The following BRINP3 variants were observed in gnomAD, a reference collection of about 807,000 sequenced individuals.
BRINP3 encodes BMP/retinoic acid inducible neural specific 3, also known as BMP/retinoic acid-inducible neural-specific protein 3.
BRINP3 carries 19 observed loss-of-function variants against 71.0 expected under a neutral mutation model. The ratio of observed to expected loss-of-function variants is 0.27; its 90% CI spans 0.19 to 0.39. BRINP3 has a LOEUF of 0.39. BRINP3 is among the 10% of genes least tolerant of loss of function. The pLI is 1.00. For synonymous variants in BRINP3, 380 were observed against 337.7 expected, an observed-to-expected ratio of 1.13 and a Z score of -1.37; for missense variants, 959 against 940.8, an observed-to-expected ratio of 1.02 and a Z score of -0.25.
At chr1:190,194,440 A>C (rs1027213403) in intron 6 of BRINP3, among the ~76,000 whole-genome samples, 2 of 152,088 alleles carry the variant, frequency 1.3e-5, no homozygotes, top group Non-Finnish European at 2.9e-5. Flanking sequence ...ATTTGAGTGC[A>C]TCATCTTAAT....
intron 6 of BRINP3, among the ~76,000 whole-genome samples, chr1:190,190,288 C>T (rs1210950003): frequency 6.6e-6 from 1 of 152,124 alleles, no homozygotes; most frequent in Non-Finnish European, 1.5e-5. Flanking sequence ...CATTTCCCTT[C>T]TCTTTTCCCC....
At chr1:190,122,664 G>A (rs1481046668) in intron 7 of BRINP3, among the ~76,000 whole-genome samples, 1 of 151,992 alleles carries the variant, frequency 6.6e-6, no homozygotes, top group Non-Finnish European at 1.5e-5. Context: ...CACCAACATG[G>A]CACATGTATA....
intron 2 of BRINP3, among the ~76,000 whole-genome samples, chr1:190,453,196 C>A (rs915223773): frequency 4.7e-5 from 3 of 64,434 alleles, no homozygotes; most frequent in Admixed American, 1.6e-4. Flanking sequence ...GAAAGAAAAA[C>A]TTTAGTATTT....
At chr1:190,299,654 A>G (rs928598635) in intron 2 of BRINP3, among the ~76,000 whole-genome samples, 5 of 137,504 alleles carry the variant, frequency 3.6e-5, no homozygotes, top group African/African-American at 1.1e-4. Context: ...TCATTGTTCA[A>G]TTCCCACCTA....
intron 3 of BRINP3, among the ~76,000 whole-genome samples, chr1:190,277,093 A>ATATATATATATATATATATG (rs1662630531): frequency 1.9e-5 from 2 of 104,740 alleles, no homozygotes; most frequent in Admixed American, 2.2e-4. Flanking sequence ...GGTTTTATAT[A>ATATATATATATATATATATG]TATATATATA....
chr1:190,455,405 T>A (rs1054357156), intron 1 of BRINP3, among the ~76,000 whole-genome samples: 2 of 152,164 alleles, frequency 1.3e-5, no homozygotes, highest in Non-Finnish European at 2.9e-5. Flanking sequence ...ATAATCTACA[T>A]AAACACGGAG....
intron 2 of BRINP3, among the ~76,000 whole-genome samples, chr1:190,408,234 C>T (rs1299794917): frequency 4.0e-5 from 6 of 150,110 alleles, no homozygotes; most frequent in Admixed American, 2.7e-4. Flanking sequence ...TTAGTAGAGA[C>T]GGGGTTTCAC....
intron 2 of BRINP3, among the ~76,000 whole-genome samples, chr1:190,285,649 G>T (rs1663364558): frequency 6.6e-6 from 1 of 151,644 alleles, no homozygotes; most frequent in African/African-American, 2.4e-5. Flanking sequence ...AAAGTTTTTT[G>T]ACTCTGGGAA....
rs1283554235 is a variant in BRINP3, at chr1:190,296,189, TAA to T, written c.237-14441_237-14440del. On this transcript the variant is annotated intron_variant, in intron 2 of 7. Transcript: ENST00000367462. Reference sequence around the variant, plus strand: ...AAGTTTTACAGTTTCATGTTATATTTAAGTCTTTAATATTCCTAGGATGTACC... The same window carrying T: ...AAGTTTTACAGTTTCATGTTATATTTGTCTTTAATATTCCTAGGATGTACC... Among the ~76,000 whole-genome samples, 18 of 151,736 alleles carry T rather than the reference TAA, an allele frequency of 1.2e-4. No homozygotes were observed. In the South Asian group the frequency reaches 2.9e-3, roughly 25 times the overall value.
intron 3 of BRINP3, among the ~76,000 whole-genome samples, chr1:190,279,528 T>C (rs1193320103): frequency 1.3e-5 from 2 of 152,044 alleles, no homozygotes; most frequent in East Asian, 3.9e-4. Flanking sequence ...AGGATATGGC[T>C]GATCTCTTTC....
At chr1:190,362,504 A>T (rs1005405133) in intron 2 of BRINP3, among the ~76,000 whole-genome samples, 3 of 152,194 alleles carry the variant, frequency 2.0e-5, no homozygotes, top group Admixed American at 1.3e-4. Flanking sequence ...CACTATTCAC[A>T]GCAAACCCAA....
intron 3 of BRINP3, among the ~76,000 whole-genome samples, chr1:190,273,270 C>T (rs749106560): frequency 4.0e-5 from 6 of 151,400 alleles, no homozygotes; most frequent in East Asian, 1.9e-4. Context: ...TAAATGATTG[C>T]GTTCAAAAGT....
chr1:190,144,370 T>C (rs970142347), intron 7 of BRINP3, among the ~76,000 whole-genome samples: 6 of 152,054 alleles, frequency 3.9e-5, no homozygotes, highest in African/African-American at 1.4e-4. Context: ...GGCAGGGGAA[T>C]TCATGATAGC....
intron 2 of BRINP3, among the ~76,000 whole-genome samples, chr1:190,327,634 G>T (rs1666702036): frequency 1.3e-5 from 2 of 151,968 alleles, no homozygotes; most frequent in African/African-American, 4.8e-5. Context: ...TCTAATATTG[G>T]AGCACAGAAA....
chr1:190,220,052 A>G (rs1371639734), intron 6 of BRINP3, among the ~76,000 whole-genome samples: 1 of 151,940 alleles, frequency 6.6e-6, no homozygotes, highest in Non-Finnish European at 1.5e-5. Context: ...TCAAATAAAT[A>G]ATGAAAAACT....
chr1:190,206,495 T>C (rs766024097), intron 6 of BRINP3, among the ~76,000 whole-genome samples: 3 of 151,950 alleles, frequency 2.0e-5, no homozygotes, highest in Admixed American at 6.6e-5. Context: ...AAAACGTGTA[T>C]GTGTATGATA....
chr1:190,306,643 G>A (rs1282836240), intron 2 of BRINP3, among the ~76,000 whole-genome samples: 1 of 151,722 alleles, frequency 6.6e-6, no homozygotes, highest in African/African-American at 2.4e-5. Flanking sequence ...AACATTCTCT[G>A]TAGTCTAGCT....
At chr1:190,224,765 A>G (rs1009852880) in intron 6 of BRINP3, among the ~76,000 whole-genome samples, 1 of 152,024 alleles carries the variant, frequency 6.6e-6, no homozygotes, top group African/African-American at 2.4e-5. Context: ...ATACATAAGG[A>G]GCTCAAACAA....
intron 2 of BRINP3, among the ~76,000 whole-genome samples, chr1:190,422,871 C>T (rs1293901352): frequency 6.6e-6 from 1 of 151,724 alleles, no homozygotes; most frequent in East Asian, 1.9e-4. Context: ...ATATGACTTA[C>T]AAAGCTGGTA....
Sources: gnomAD v4.1 joint callset for allele counts (sites outside exome capture counted in the v4.1 genomes callset) on GRCh38, gnomAD v4.1.1 for gene constraint, MANE v1.5 for transcripts, NCBI Gene and HGNC (gene_info 2026-07-23, HGNC 2026-07-21) for gene names.